The following TRAK2 variants were observed in gnomAD, a reference collection of about 807,000 sequenced individuals.
TRAK2 encodes trafficking kinesin protein 2.
TRAK2 carries 81 observed loss-of-function variants against 104.6 expected under a neutral mutation model. The ratio of observed to expected loss-of-function variants is 0.77; its 90% CI spans 0.65 to 0.93. The LOEUF (loss-of-function observed/expected upper bound fraction) is 0.93, where lower values mean the gene tolerates loss of function less well. TRAK2 is among the 40% of genes least tolerant of loss of function. TRAK2 has a pLI of 0.00. For missense variants in TRAK2, 1,002 were observed against 1,089.0 expected (o/e 0.92, Z 1.12); for synonymous variants, 406 against 394.4 (o/e 1.03, Z -0.35).
intron 1 of TRAK2, among the ~76,000 whole-genome samples, chr2:201,440,102 TAAAG>T (rs1951909030): frequency 6.6e-6 from 1 of 151,604 alleles, no homozygotes; most frequent in South Asian, 2.1e-4. Flanking sequence ...AAGTGCCTCT[TAAAG>T]AAGAAAAAAG....
rs921583769 is a variant in TRAK2, at chr2:201,378,777, TA to T, written c.*1765del. On this transcript the variant is annotated 3_prime_UTR_variant, in exon 16 of 16. Transcript: ENST00000332624. ...CTTCACCCTTTGTTTTTGTGGAATT[TA>T]TTTAGAAAAATTTTATTGAGAGATT... 2 of 152,180 alleles carry T rather than the reference TA, an allele frequency of 1.3e-5. No homozygotes were observed. The highest frequency in any genetic ancestry group is 1.3e-4 in the Admixed American group (2 of 15,268). 9.4% of individuals were successfully genotyped at this position (152,180 alleles called of 1,614,324 possible).
intron 10 of TRAK2, among the ~76,000 whole-genome samples, chr2:201,390,942 C>T (rs1337878091): frequency 6.6e-6 from 1 of 151,672 alleles, no homozygotes; most frequent in Admixed American, 6.6e-5. Context: ...GGTGTGAACT[C>T]ATGATTATAT....
intron 1 of TRAK2, among the ~76,000 whole-genome samples, chr2:201,428,479 A>G (rs1951810157): frequency 6.6e-6 from 1 of 152,174 alleles, no homozygotes; most frequent in African/African-American, 2.4e-5. Context: ...AGATGGTTGT[A>G]GATGTGTGGT....
At chr2:201,439,971 T>G in intron 1 of TRAK2, among the ~76,000 whole-genome samples, 1 of 142,704 alleles carries the variant, frequency 7.0e-6, no homozygotes, top group Non-Finnish European at 1.5e-5. Flanking sequence ...CATTAGGAGA[T>G]ATACCTAATG....
rs1192197181 is a variant in TRAK2 at position 201,411,156 on chromosome 2, T to G, written c.92-3559A>C. On this transcript the variant is annotated intron_variant, in intron 2 of 15. Coordinates refer to ENST00000332624, the MANE Select transcript of TRAK2 (RefSeq NM_015049.3). ...AGAAAGGCTAGTCAAAGATGACATA[T>G]TATCCATCAATGTGTCTGTCAAGTC... is the stretch of plus-strand genomic sequence containing the variant. 27 of 771,364 alleles carry G rather than the reference T, an allele frequency of 3.5e-5. No homozygotes were observed. In the Admixed American group the frequency reaches 5.2e-4, roughly 15 times the overall value. The allele number at this position is 771,364 out of a possible 1,614,324, so 47.8% of individuals were successfully genotyped here.
intron 11 of TRAK2, 71 bp from the exon 12 acceptor site, chr2:201,389,574 G>A: frequency 6.9e-7 from 1 of 1,442,144 alleles, no homozygotes; most frequent in South Asian, 1.2e-5. Flanking sequence ...GAATGTATGT[G>A]CAGTCCATCA....
intron 1 of TRAK2, among the ~76,000 whole-genome samples, chr2:201,426,142 T>A (rs915857269): frequency 6.6e-6 from 1 of 151,846 alleles, no homozygotes; most frequent in African/African-American, 2.4e-5. Flanking sequence ...TAGCAGGAGG[T>A]GGGTAAGTGA....
At chr2:201,418,601 G>C (rs536874346) in intron 2 of TRAK2, among the ~76,000 whole-genome samples, 2 of 152,254 alleles carry the variant, frequency 1.3e-5, no homozygotes, top group East Asian at 3.9e-4. Context: ...GAACAGGATA[G>C]AGTTCAGAAA....
chr2:201,387,981 T>C lies in TRAK2; in HGVS notation c.1418A>G (p.Gln473Arg), dbSNP rs1576505977. The change falls in exon 13 of 16, where the codon CAA becomes CGA. Residue 473 changes from glutamine (Q) to arginine (R), a missense_variant. Coordinates refer to ENST00000332624, the MANE Select transcript of TRAK2 (RefSeq NM_015049.3). ...EVAGSSQKMG[Q>R]PGPSGDSDLA... ...ATCACTATCTCCTGAGGGTCCTGGT[T>C]GGCCCATCTTCTGGGAGCTCCTATA... is the stretch of plus-strand genomic sequence containing the variant. 1 of 1,614,148 alleles carries C rather than the reference T, an allele frequency of 6.2e-7. No individual in the cohort carries two copies. The highest frequency in any genetic ancestry group is 8.5e-7 in the Non-Finnish European group (1 of 1,180,020).
intron 3 of TRAK2, among the ~76,000 whole-genome samples, chr2:201,403,374 T>G (rs534221811): frequency 6.6e-6 from 1 of 152,118 alleles, no homozygotes; most frequent in Non-Finnish European, 1.5e-5. Flanking sequence ...GGAATTTTAG[T>G]ATGGAGATGA....
chr2:201,413,176 G>T, intron 2 of TRAK2: 1 of 1,508,978 alleles, frequency 6.6e-7, no homozygotes, highest in South Asian at 1.1e-5. Context: ...TTCCAAGCTA[G>T]CCCACTGCCA....
intron 1 of TRAK2, among the ~76,000 whole-genome samples, chr2:201,437,707 CCGTGGCCATAGTTTCCT>C (rs78113566): frequency 0.09 from 13,692 of 152,104 alleles, 1,350 homozygotes; most frequent in East Asian, 0.26. Context: ...CCTTCTCTGT[CCGTGGCCATAGTTTCCT>C]ACCGTGTCCT....
intron 2 of TRAK2, among the ~76,000 whole-genome samples, chr2:201,417,063 T>G (rs1576524684): frequency 9.4e-4 from 1 of 1,066 alleles, no homozygotes; most frequent in Non-Finnish European, 3.4e-3. Context: ...TAAATGTAAC[T>G]CCACATTAAC....
intron 1 of TRAK2, among the ~76,000 whole-genome samples, chr2:201,449,588 G>A (rs1157120002): frequency 1.4e-5 from 2 of 147,716 alleles, no homozygotes; most frequent in East Asian, 2.0e-4. Context: ...GGGTTCAAGC[G>A]ATTCTCCTGC....
intron 7 of TRAK2, among the ~76,000 whole-genome samples, chr2:201,395,959 C>T (rs909833585): frequency 6.6e-6 from 1 of 152,200 alleles, no homozygotes; most frequent in African/African-American, 2.4e-5. Flanking sequence ...AGGAGACAGA[C>T]TTTCTGGCAT....
At chr2:201,393,552 A>C (rs961402531) in intron 9 of TRAK2, among the ~76,000 whole-genome samples, 2 of 152,182 alleles carry the variant, frequency 1.3e-5, no homozygotes, top group Non-Finnish European at 2.9e-5. Context: ...ATCTGATAAA[A>C]GAGTACATAA....
chr2:201,434,082 T>C lies in TRAK2; in HGVS notation c.-199-13376A>G, dbSNP rs549790223. ...ACGCCATTCTCCTGCCTCAGCCTCC[T>C]GAGTAGCTGGGACTACAGGCGTCCG... On this transcript the variant is annotated intron_variant, in intron 1 of 15. Transcript: ENST00000332624. Among the ~76,000 whole-genome samples the C allele has an allele frequency of 6.2e-4, 94 of 152,154 alleles. 1 individual carries two copies. The highest frequency in any genetic ancestry group is 2.2e-3 in the African/African-American group (93 of 41,538).
chr2:201,396,691 C>T (rs1334511801), intron 7 of TRAK2, among the ~76,000 whole-genome samples: 2 of 152,038 alleles, frequency 1.3e-5, no homozygotes. Flanking sequence ...TGCAATATTG[C>T]GATAGTTGAC....
Position 201,399,421 on chromosome 2 carries a change from G to T in TRAK2, c.436C>A (p.Gln146Lys). ...LLKRNHVLSE[Q>K]NESLEEQLGQ... ...AATTGCTCCTCCAGGGATTCGTTCT[G>T]CTCAGATAAGACATGGTTCCGCTTT... Residue 146 changes from glutamine to lysine, a missense_variant, in exon 5 of 16, where the codon CAG becomes AAG. Transcript: ENST00000332624. The T allele has an allele frequency of 6.2e-7, 1 of 1,612,480 alleles. No individual in the cohort carries two copies. The highest frequency in any genetic ancestry group is 2.2e-5 in the East Asian group (1 of 44,852).
Sources: gnomAD v4.1 joint callset for allele counts (sites outside exome capture counted in the v4.1 genomes callset) on GRCh38, gnomAD v4.1.1 for gene constraint, MANE v1.5 for transcripts, NCBI Gene and HGNC (gene_info 2026-07-23, HGNC 2026-07-21) for gene names.